The following AOPEP variants were observed in gnomAD, a reference collection of about 807,000 sequenced individuals.
The protein encoded by AOPEP is aminopeptidase O (putative), also known as aminopeptidase O.
Under a neutral mutation model 98.1 loss-of-function variants are expected in AOPEP, and 77 were observed. The ratio of observed to expected loss-of-function variants is 0.78; its 90% CI spans 0.65 to 0.95. The LOEUF (loss-of-function observed/expected upper bound fraction) is 0.95, where lower values mean the gene tolerates loss of function less well. Among genes scored for constraint, AOPEP ranks in the 40% least tolerant of loss-of-function variants. The probability of loss-of-function intolerance (pLI) is 0.00; values close to 1 mark genes in which losing one functional copy is unlikely to be tolerated. For synonymous variants in AOPEP, 346 were observed against 365.3 expected (o/e 0.95, Z 0.60); for missense variants, 1,024 against 1,024.7 (o/e 1.00, Z 0.01).
At chr9:95,073,234 CTGTGGCCCTCCCTGCA>C (rs992052403) in intron 14 of AOPEP, among the ~76,000 whole-genome samples, 20 of 152,160 alleles carry the variant, frequency 1.3e-4, no homozygotes, top group Non-Finnish European at 2.5e-4. Flanking sequence ...CCCAGCCTGT[CTGTGGCCCTCCCTGCA>C]TGTTGACGCT....
rs549129630 is a variant in AOPEP at position 94,928,493 on chromosome 9, C to T, written c.1623C>T (p.Asp541=). The T allele has an allele frequency of 1.7e-5, 27 of 1,550,636 alleles. No homozygotes were observed. Among genetic ancestry groups the T allele is most frequent in the African/African-American group, 6.8e-5 (5 of 73,032 alleles). The change falls in exon 7 of 17, where the codon GAC becomes GAT. Residue 541 remains aspartate (D), a synonymous_variant. Transcript: ENST00000375315. The part of the protein sequence containing the change: ...RACLRWRRLQ[D]EMQCSPEEMQ... ...GTCTGCGCTGGCGTCGCCTCCAGGA[C>T]GAGATGCAATGCTCCCCCGAGGAGA...
At chr9:94,834,850 A>G (rs146500476) in intron 5 of AOPEP, among the ~76,000 whole-genome samples, 39 of 146,798 alleles carry the variant, frequency 2.7e-4, no homozygotes, top group African/African-American at 8.9e-4. Flanking sequence ...ACATACATAC[A>G]TACAAACAAT....
chr9:94,775,463 G>A (rs1426674997), intron 3 of AOPEP, among the ~76,000 whole-genome samples: 1 of 151,186 alleles, frequency 6.6e-6, no homozygotes, highest in Non-Finnish European at 1.5e-5. Flanking sequence ...TCTGCCTCCC[G>A]GGTTCAGGCG....
At position 94,874,731 on chromosome 9, in the gene AOPEP, A is replaced by G. The variant is rs577659105; in HGVS notation, c.1365-49255A>G. 4.6e-5 allele frequency among the ~76,000 whole-genome samples: 7 copies of G among 152,286 alleles called. No individual in the cohort carries two copies. The South Asian group carries it at 1.2e-3, about 27-fold the overall frequency. ...CAGGAGCCACAGAAAAGTTCTTCCA[A>G]TTCCCAATAACACATGCTACGACTC... is the stretch of plus-strand genomic sequence containing the variant. On this transcript the variant is annotated intron_variant, in intron 5 of 16. Transcript: ENST00000375315.
chr9:94,881,399 C>T (rs2047569033), intron 5 of AOPEP, among the ~76,000 whole-genome samples: 1 of 152,058 alleles, frequency 6.6e-6, no homozygotes, highest in South Asian at 2.1e-4. Context: ...AGGCAGACAT[C>T]TCGGGGAAAA....
intron 5 of AOPEP, among the ~76,000 whole-genome samples, chr9:94,846,927 T>C (rs1277167842): frequency 6.6e-6 from 1 of 151,776 alleles, no homozygotes; most frequent in East Asian, 1.9e-4. Flanking sequence ...AATGAATGAA[T>C]GAATGAAGCT....
chr9:95,099,486 A>C, the AOPEP span: 8 of 227,436 alleles, frequency 3.5e-5, no homozygotes, highest in Non-Finnish European at 6.1e-5. Flanking sequence ...GCACCTGCCC[A>C]GGCTTTGCCG....
At chr9:94,939,121 G>A (rs2056691856) in intron 7 of AOPEP, among the ~76,000 whole-genome samples, 1 of 152,090 alleles carries the variant, frequency 6.6e-6, no homozygotes, top group Non-Finnish European at 1.5e-5. Flanking sequence ...GGTGGCAGGC[G>A]CCTGTAGTCC....
intron 5 of AOPEP, among the ~76,000 whole-genome samples, chr9:94,834,929 G>GT (rs2041398937): frequency 1.3e-5 from 2 of 152,116 alleles, no homozygotes; most frequent in Non-Finnish European, 2.9e-5. Context: ...GACAAACTCT[G>GT]TTGTTAGATT....
intron 7 of AOPEP, among the ~76,000 whole-genome samples, chr9:94,950,085 G>T (rs2057990839): frequency 6.6e-6 from 1 of 152,132 alleles, no homozygotes; most frequent in African/African-American, 2.4e-5. Context: ...TTTTCATTTT[G>T]GAATAGGTTT....
At chr9:94,812,511 TAC>T (rs1426631478) in intron 5 of AOPEP, among the ~76,000 whole-genome samples, 2 of 152,128 alleles carry the variant, frequency 1.3e-5, no homozygotes, top group Admixed American at 6.5e-5. Context: ...TCTTATTACT[TAC>T]CTTTGGCACA....
chr9:95,012,987 T>TGGGG (rs567654479), intron 13 of AOPEP, among the ~76,000 whole-genome samples: 3 of 62,686 alleles, frequency 4.8e-5, no homozygotes, highest in Non-Finnish European at 9.4e-5. Context: ...GTTTTTTTTT[T>TGGGG]GGGGGGGGGG....
intron 5 of AOPEP, among the ~76,000 whole-genome samples, chr9:94,857,700 A>G (rs1302921626): frequency 1.3e-5 from 2 of 152,186 alleles, no homozygotes; most frequent in East Asian, 1.9e-4. Flanking sequence ...ATGCAGAACA[A>G]GGACCCAAAG....
At chr9:94,838,510 A>G (rs920303093) in intron 5 of AOPEP, among the ~76,000 whole-genome samples, 5 of 152,226 alleles carry the variant, frequency 3.3e-5, no homozygotes, top group Non-Finnish European at 7.3e-5. Flanking sequence ...GTAAATCTCA[A>G]TATTGGCTGA....
At chr9:94,954,563 G>T (rs2058328693) in intron 7 of AOPEP, among the ~76,000 whole-genome samples, 1 of 152,212 alleles carries the variant, frequency 6.6e-6, no homozygotes, top group Non-Finnish European at 1.5e-5. Flanking sequence ...CCATGGATGG[G>T]CTGTGGGTTG....
intron 5 of AOPEP, among the ~76,000 whole-genome samples, chr9:94,859,230 C>T (rs939323325): frequency 7.2e-5 from 11 of 152,122 alleles, no homozygotes; most frequent in Admixed American, 2.0e-4. Context: ...AGAACCTGAC[C>T]GTGCTAGCAT....
At chr9:94,844,535 T>C (rs1423714260) in intron 5 of AOPEP, among the ~76,000 whole-genome samples, 2 of 152,236 alleles carry the variant, frequency 1.3e-5, no homozygotes, top group Non-Finnish European at 2.9e-5. Flanking sequence ...TCTTGAAATA[T>C]ATACTACATT....
At chr9:94,905,768 A>G (rs2051052330) in intron 5 of AOPEP, among the ~76,000 whole-genome samples, 1 of 152,206 alleles carries the variant, frequency 6.6e-6, no homozygotes, top group Non-Finnish European at 1.5e-5. Flanking sequence ...AATGAAATCT[A>G]TCAATGATCA....
At chr9:94,742,901 G>C (rs1052744439) in intron 1 of AOPEP, among the ~76,000 whole-genome samples, 2 of 152,100 alleles carry the variant, frequency 1.3e-5, no homozygotes, top group African/African-American at 4.8e-5. Flanking sequence ...TGTTGGAGAA[G>C]CATTGCTTTG....
Sources: gnomAD v4.1 joint callset for allele counts (sites outside exome capture counted in the v4.1 genomes callset) on GRCh38, gnomAD v4.1.1 for gene constraint, MANE v1.5 for transcripts, NCBI Gene and HGNC (gene_info 2026-07-23, HGNC 2026-07-21) for gene names.